LRRTM4: variants seen among roughly 807,000 people sequenced by gnomAD.
The protein encoded by LRRTM4 is leucine-rich repeat transmembrane neuronal protein 4.
Under a neutral mutation model 47.6 loss-of-function variants are expected in LRRTM4, and 25 were observed. That is an observed-to-expected ratio of 0.53 (90% CI 0.38 to 0.73). The LOEUF (loss-of-function observed/expected upper bound fraction) is 0.73, where lower values mean the gene tolerates loss of function less well. Ranked by LOEUF, LRRTM4 falls within the 30% of genes least tolerant of loss-of-function variation. The pLI is 0.00. For missense variants in LRRTM4, 638 were observed against 713.4 expected, an observed-to-expected ratio of 0.89 and a Z score of 1.20; for synonymous variants, 311 against 269.5, an observed-to-expected ratio of 1.15 and a Z score of -1.51.
At chr2:76,942,490 C>CTT (rs1573346706) in intron 3 of LRRTM4, among the ~76,000 whole-genome samples, 1 of 99,132 alleles carries the variant, frequency 1.0e-5, no homozygotes. Context: ...TCTGTGCTAA[C>CTT]ATTTTTTTTT....
In LRRTM4 at chr2:76,799,425, T is replaced by C. The variant is rs1169913398; in HGVS notation, c.1552-50509A>G. On this transcript the variant is annotated intron_variant, in intron 3 of 3. Coordinates refer to ENST00000409884, the MANE Select transcript of LRRTM4 (RefSeq NM_001134745.3). ...AACCCTTCATGCTAAAAACTCTCAA[T>C]AAATTAGGTATTGATGGGACGTATC... Among the ~76,000 whole-genome samples the C allele has an allele frequency of 1.6e-5, 2 of 127,240 alleles. 1 individual carries two copies. Among genetic ancestry groups the C allele is most frequent in the Non-Finnish European group, 3.2e-5 (2 of 61,812 alleles). 83.5% of individuals were successfully genotyped at this position (127,240 alleles called of 152,430 possible).
At position 76,909,030 on chromosome 2, in the gene LRRTM4, C is replaced by T. The variant is rs552995299; in HGVS notation, c.1552-160114G>A. Among the ~76,000 whole-genome samples the T allele has an allele frequency of 2.5e-3, 383 of 152,148 alleles. 8 individuals are homozygous for T. Among genetic ancestry groups the T allele is most frequent in the African/African-American group, 8.7e-3 (362 of 41,522 alleles). On this transcript the variant is annotated intron_variant, in intron 3 of 3. Transcript: ENST00000409884. Reference sequence around the variant, plus strand: ...CATGGAAGCAAAAAAGAGCCCTCATCGCCAAGTCAATCCTAAGCCAAAAGA... The same window carrying T: ...CATGGAAGCAAAAAAGAGCCCTCATTGCCAAGTCAATCCTAAGCCAAAAGA...
intron 3 of LRRTM4, among the ~76,000 whole-genome samples, chr2:77,427,742 T>G (rs13411035): frequency 0.32 from 48,659 of 152,104 alleles, 8,019 homozygotes; most frequent in South Asian, 0.37. Context: ...AATCTTTACT[T>G]AGATCTTATA....
At chr2:77,020,535 C>A (rs1277276658) in intron 3 of LRRTM4, among the ~76,000 whole-genome samples, 1 of 152,084 alleles carries the variant, frequency 6.6e-6, no homozygotes, top group East Asian at 1.9e-4. Context: ...ACAGAATAAT[C>A]TATTTTTAAA....
chr2:77,243,869 A>G (rs1386608342), intron 3 of LRRTM4, among the ~76,000 whole-genome samples: 2 of 138,900 alleles, frequency 1.4e-5, no homozygotes, highest in African/African-American at 5.5e-5. Flanking sequence ...CGCTGCACCC[A>G]CTAACTCGTC....
chr2:77,412,150 C>T (rs897602614), intron 3 of LRRTM4, among the ~76,000 whole-genome samples: 3 of 152,144 alleles, frequency 2.0e-5, no homozygotes, highest in African/African-American at 7.2e-5. Flanking sequence ...GACCCATCAA[C>T]ATGAATATCT....
chr2:77,075,964 G>A (rs1024738789), intron 3 of LRRTM4, among the ~76,000 whole-genome samples: 1 of 146,404 alleles, frequency 6.8e-6, no homozygotes, highest in African/African-American at 2.6e-5. Flanking sequence ...AATTAAGCTG[G>A]TTTCTGATAA....
intron 3 of LRRTM4, among the ~76,000 whole-genome samples, chr2:76,915,154 G>GAA (rs1025195067): frequency 5.3e-5 from 8 of 152,194 alleles, no homozygotes; most frequent in African/African-American, 1.7e-4. Context: ...GAATAAGAGT[G>GAA]AACCCTGGGA....
At chr2:76,999,463 G>A (rs556382981) in intron 3 of LRRTM4, among the ~76,000 whole-genome samples, 20 of 150,728 alleles carry the variant, frequency 1.3e-4, no homozygotes, top group African/African-American at 3.6e-4. Flanking sequence ...AAAAAAAAGC[G>A]TTGGTGAGGA....
intron 3 of LRRTM4, among the ~76,000 whole-genome samples, chr2:77,080,754 G>A (rs1441764607): frequency 6.6e-6 from 1 of 152,180 alleles, no homozygotes; most frequent in Non-Finnish European, 1.5e-5. Context: ...TAGGAATGCA[G>A]TTAATGCCCT....
At chr2:76,774,315 C>T (rs1386705798) in intron 3 of LRRTM4, among the ~76,000 whole-genome samples, 1 of 151,928 alleles carries the variant, frequency 6.6e-6, no homozygotes, top group African/African-American at 2.4e-5. Flanking sequence ...CCTCAACCTC[C>T]CTAGTAGCTG....
At chr2:76,801,077 A>G (rs1675650009) in intron 3 of LRRTM4, among the ~76,000 whole-genome samples, 1 of 150,862 alleles carries the variant, frequency 6.6e-6, no homozygotes, top group African/African-American at 2.4e-5. Context: ...ACTGTAAACT[A>G]GTTCGACCAT....
At chr2:76,767,534 ACT>A (rs1350237649) in intron 3 of LRRTM4, among the ~76,000 whole-genome samples, 1 of 150,754 alleles carries the variant, frequency 6.6e-6, no homozygotes, top group Non-Finnish European at 1.5e-5. Context: ...TCGTGTAGAT[ACT>A]CTGCCTTCAG....
chr2:76,858,087 A>G (rs1353300051), intron 3 of LRRTM4, among the ~76,000 whole-genome samples: 2 of 152,172 alleles, frequency 1.3e-5, no homozygotes, highest in Admixed American at 6.6e-5. Context: ...ATAGATATCT[A>G]TAATGGTTAG....
chr2:77,407,669 A>T (rs867433907), intron 3 of LRRTM4, among the ~76,000 whole-genome samples: 15 of 129,080 alleles, frequency 1.2e-4, no homozygotes, highest in Middle Eastern at 3.4e-3. Context: ...TATATATAAT[A>T]ATTATATAAT....
At chr2:77,298,385 C>T (rs1032695131) in intron 3 of LRRTM4, among the ~76,000 whole-genome samples, 7 of 152,078 alleles carry the variant, frequency 4.6e-5, no homozygotes, top group Non-Finnish European at 7.4e-5. Flanking sequence ...TACAGGCACC[C>T]GCCACCACGC....
At chr2:77,425,835 G>T (rs531047147) in intron 3 of LRRTM4, among the ~76,000 whole-genome samples, 24 of 152,134 alleles carry the variant, frequency 1.6e-4, no homozygotes, top group African/African-American at 5.8e-4. Flanking sequence ...GTCAATCCTG[G>T]CCAGGCGTGG....
intron 3 of LRRTM4, among the ~76,000 whole-genome samples, chr2:76,985,078 A>G (rs6737296): frequency 0.34 from 52,337 of 151,756 alleles, 9,845 homozygotes; most frequent in East Asian, 0.58. Context: ...TCAAAATCCC[A>G]TACATTCAAG....
chr2:77,352,594 T>C (rs973774536), intron 3 of LRRTM4, among the ~76,000 whole-genome samples: 3 of 152,136 alleles, frequency 2.0e-5, no homozygotes, highest in African/African-American at 7.2e-5. Flanking sequence ...AGTTTGTCCC[T>C]GCTTGATAGA....
Sources: allele counts gnomAD v4.1 joint callset (sites outside exome capture counted in the v4.1 genomes callset), GRCh38; gene constraint gnomAD v4.1.1; transcripts MANE v1.5; gene names NCBI Gene and HGNC (gene_info 2026-07-23, HGNC 2026-07-21).